The following DAB1 variants were observed in gnomAD, a reference collection of about 807,000 sequenced individuals.
The protein encoded by DAB1 is DAB adaptor protein 1, also known as disabled homolog 1.
Under a neutral mutation model 64.6 loss-of-function variants are expected in DAB1, and 15 were observed. The ratio of observed to expected loss-of-function variants is 0.23; its 90% confidence interval spans 0.16 to 0.36. DAB1 has a LOEUF of 0.36. Among genes scored for constraint, DAB1 ranks in the 10% least tolerant of loss-of-function variants. The pLI is 1.00. For synonymous variants in DAB1, 235 were observed against 251.9 expected (o/e 0.93, Z 0.64); for missense variants, 596 against 706.7 (o/e 0.84, Z 1.78).
At chr1:57,856,672 G>A (rs184591910) in intron 1 of DAB1, among the ~76,000 whole-genome samples, 49 of 152,178 alleles carry the variant, frequency 3.2e-4, no homozygotes, top group Non-Finnish European at 1.3e-4. Context: ...GCTGAGGCAC[G>A]AGAATCACTT....
chr1:57,417,178 T>A (rs1027298097), intron 1 of DAB1, among the ~76,000 whole-genome samples: 1 of 152,190 alleles, frequency 6.6e-6, no homozygotes, highest in Non-Finnish European at 1.5e-5. Context: ...TAACTGGCTT[T>A]ATTTCATTAG....
chr1:58,411,295 A>T (rs75560585), intron 3 of DAB1, among the ~76,000 whole-genome samples: 1,882 of 152,090 alleles, frequency 0.012, 47 homozygotes, highest in African/African-American at 0.043. Flanking sequence ...TCAAATTCCA[A>T]CTCCATTATC....
At chr1:58,288,042 A>AAG (rs1661733043) in intron 4 of DAB1, among the ~76,000 whole-genome samples, 1 of 149,858 alleles carries the variant, frequency 6.7e-6, no homozygotes, top group African/African-American at 2.5e-5. Flanking sequence ...AAAAAAAAAA[A>AAG]AAAGAAAAAA....
At chr1:58,493,648 G>C (rs1251426721) in intron 3 of DAB1, among the ~76,000 whole-genome samples, 27 of 151,672 alleles carry the variant, frequency 1.8e-4, no homozygotes, top group Non-Finnish European at 3.4e-4. Flanking sequence ...GCCAAATCAT[G>C]AGTGAACTCC....
intron 3 of DAB1, among the ~76,000 whole-genome samples, chr1:58,374,245 G>A (rs1644300995): frequency 1.5e-5 from 2 of 130,044 alleles, no homozygotes; most frequent in South Asian, 5.4e-4. Flanking sequence ...TGGACATGAA[G>A]TCCTTGCCCA....
At chr1:57,477,951 G>A (rs1002294413) in intron 7 of DAB1, among the ~76,000 whole-genome samples, 6 of 149,448 alleles carry the variant, frequency 4.0e-5, no homozygotes, top group African/African-American at 7.3e-5. Flanking sequence ...TGTGCACAAC[G>A]TGCAGGTTTG....
intron 9 of DAB1, among the ~76,000 whole-genome samples, chr1:57,039,564 T>C (rs952162382): frequency 6.6e-6 from 1 of 152,180 alleles, no homozygotes; most frequent in Non-Finnish European, 1.5e-5. Context: ...CCCCCAGTTT[T>C]TAACACCAGC....
chr1:58,471,100 A>G (rs1645352654), intron 3 of DAB1, among the ~76,000 whole-genome samples: 1 of 152,192 alleles, frequency 6.6e-6, no homozygotes, highest in South Asian at 2.1e-4. Flanking sequence ...GGTGGCATAA[A>G]TAATAAAGAC....
intron 1 of DAB1, among the ~76,000 whole-genome samples, chr1:57,300,200 C>A (rs919795310): frequency 6.6e-6 from 1 of 152,166 alleles, no homozygotes; most frequent in Non-Finnish European, 1.5e-5. Flanking sequence ...TATTAAACAC[C>A]TATTCTTTGA....
chr1:57,165,615 A>G (rs989340678), intron 2 of DAB1, among the ~76,000 whole-genome samples: 1 of 152,226 alleles, frequency 6.6e-6, no homozygotes, highest in Non-Finnish European at 1.5e-5. Flanking sequence ...CTTTTCATTT[A>G]GCCTGAAGAA....
Position 57,964,549 on chromosome 1 carries a change from G to A in DAB1, n.388-80387C>T, listed in dbSNP as rs116371481. Among the ~76,000 whole-genome samples, 1,325 of 152,266 alleles carry A rather than the reference G, an allele frequency of 8.7e-3. 15 individuals carry two copies. Among genetic ancestry groups the A allele is most frequent in the African/African-American group, 0.03 (1,255 of 41,550 alleles). The stretch of plus-strand genomic sequence containing the variant: ...GTACAGAGAGTAAATAAATGGATGA[G>A]TATTTACCGAGTGTCTATAATGTGA... On this transcript the variant is annotated intron_variant and non_coding_transcript_variant, in intron 5 of 20. Coordinates refer to the DAB1 transcript ENST00000485760.
chr1:58,342,672 G>A (rs1349760707), intron 4 of DAB1, among the ~76,000 whole-genome samples: 1 of 151,966 alleles, frequency 6.6e-6, no homozygotes, highest in African/African-American at 2.4e-5. Context: ...TTTCTCCAAT[G>A]TACCCTATAT....
chr1:57,416,129 C>T (rs994988088), intron 1 of DAB1, among the ~76,000 whole-genome samples: 1 of 152,040 alleles, frequency 6.6e-6, no homozygotes, highest in South Asian at 2.1e-4. Flanking sequence ...CATTCTTCAC[C>T]AATATTCTGC....
intron 5 of DAB1, among the ~76,000 whole-genome samples, chr1:57,995,831 A>T (rs1646416663): frequency 6.6e-6 from 1 of 152,000 alleles, no homozygotes; most frequent in Non-Finnish European, 1.5e-5. Context: ...TCAGAAAAAA[A>T]AAAAGGTACA....
At chr1:58,238,192 C>T (rs1660134002) in intron 4 of DAB1, among the ~76,000 whole-genome samples, 2 of 152,108 alleles carry the variant, frequency 1.3e-5, no homozygotes, top group Admixed American at 1.3e-4. Context: ...GTAGGATAGA[C>T]CAAGGGTCTC....
intron 11 of DAB1, 26 bp from the exon 12 acceptor site, chr1:57,015,457 G>A (rs1368126162): frequency 6.3e-7 from 1 of 1,576,892 alleles, no homozygotes; most frequent in Admixed American, 1.8e-5. Flanking sequence ...AGGAGAGTCA[G>A]GTGTTTCCCT....
intron 7 of DAB1, among the ~76,000 whole-genome samples, chr1:57,561,634 G>A (rs981126297): frequency 6.6e-5 from 10 of 152,274 alleles, no homozygotes; most frequent in South Asian, 4.1e-4. Flanking sequence ...CTGTTCTGTG[G>A]ACACCACTCA....
intron 5 of DAB1, among the ~76,000 whole-genome samples, chr1:57,967,918 T>G (rs893843949): frequency 6.6e-6 from 1 of 152,152 alleles, no homozygotes; most frequent in African/African-American, 2.4e-5. Context: ...TCTCAAAATT[T>G]TTGCATTTTC....
At chr1:58,510,081 C>T (rs1366769824) in intron 2 of DAB1, among the ~76,000 whole-genome samples, 1 of 152,088 alleles carries the variant, frequency 6.6e-6, no homozygotes, top group Non-Finnish European at 1.5e-5. Flanking sequence ...ATGTCAATGA[C>T]TCTCAAAGTC....
Sources: gnomAD v4.1 joint callset for allele counts (sites outside exome capture counted in the v4.1 genomes callset) on GRCh38, gnomAD v4.1.1 for gene constraint, MANE v1.5 for transcripts, NCBI Gene and HGNC (gene_info 2026-07-23, HGNC 2026-07-21) for gene names.